CNTNAP2: variants seen among roughly 807,000 people sequenced by gnomAD.
CNTNAP2 encodes contactin-associated protein-like 2.
In CNTNAP2, 98 loss-of-function variants were observed where a neutral mutation model predicts 155.2. The ratio of observed to expected loss-of-function variants is 0.63; its 90% CI spans 0.54 to 0.75. The LOEUF is 0.75. CNTNAP2 is among the 30% of genes least tolerant of loss of function. The pLI is 0.00. For missense variants in CNTNAP2, 1,727 were observed against 1,688.1 expected, an observed-to-expected ratio of 1.02 and a Z score of -0.40; for synonymous variants, 651 against 631.2, an observed-to-expected ratio of 1.03 and a Z score of -0.47.
intron 12 of CNTNAP2, among the ~76,000 whole-genome samples, chr7:147,595,840 T>G (rs1331057455): frequency 6.6e-6 from 1 of 152,198 alleles, no homozygotes; most frequent in Admixed American, 6.5e-5. Flanking sequence ...ACTTAGAATC[T>G]TACAAGATGT....
At chr7:147,853,808 C>G (rs1003330764) in intron 13 of CNTNAP2, among the ~76,000 whole-genome samples, 4 of 152,124 alleles carry the variant, frequency 2.6e-5, no homozygotes, top group African/African-American at 9.7e-5. Flanking sequence ...ACTGATTAGG[C>G]ATTTGCTTAT....
chr7:148,231,388 C>A (rs1176488638), intron 20 of CNTNAP2, among the ~76,000 whole-genome samples: 1 of 152,110 alleles, frequency 6.6e-6, no homozygotes, highest in Non-Finnish European at 1.5e-5. Flanking sequence ...GATAGAAAAG[C>A]AATTCAGAAG....
intron 13 of CNTNAP2, among the ~76,000 whole-genome samples, chr7:147,729,982 G>A (rs908712635): frequency 6.6e-5 from 10 of 152,056 alleles, no homozygotes; most frequent in African/African-American, 2.4e-4. Flanking sequence ...TAAAAAATAA[G>A]GGAGTGAATA....
chr7:147,635,879 G>T (rs1194452770), intron 12 of CNTNAP2, among the ~76,000 whole-genome samples: 3 of 152,088 alleles, frequency 2.0e-5, no homozygotes, highest in Non-Finnish European at 4.4e-5. Flanking sequence ...GCAGGACAAG[G>T]CTCTTGATAG....
At chr7:148,399,583 T>A (rs1352691870) in intron 22 of CNTNAP2, among the ~76,000 whole-genome samples, 1 of 152,190 alleles carries the variant, frequency 6.6e-6, no homozygotes, top group Non-Finnish European at 1.5e-5. Flanking sequence ...GTATCCAAGG[T>A]CATACTAAGA....
rs1199411040 is a variant in CNTNAP2 at position 148,283,239 on chromosome 7, CAAAAA to C, written c.3475+16128_3475+16132del. Among the ~76,000 whole-genome samples the C allele has an allele frequency of 3.1e-3, 86 of 27,964 alleles. 8 individuals carry two copies. The highest frequency in any genetic ancestry group is 6.1e-3 in the African/African-American group (71 of 11,706). The allele number at this position is 27,964 out of a possible 152,430, so 18.3% of individuals were successfully genotyped here. The stretch of plus-strand genomic sequence containing the variant: ...CTGGGCAACAAAAGCAACTCTGTCT[CAAAAA>C]AAAAAAAAAAAAAAGAAAGAAAGAA... On this transcript the variant is annotated intron_variant, in intron 21 of 23. Transcript: ENST00000361727.
intron 16 of CNTNAP2, among the ~76,000 whole-genome samples, chr7:148,143,241 G>A (rs1271463631): frequency 6.6e-6 from 1 of 152,222 alleles, no homozygotes; most frequent in Non-Finnish European, 1.5e-5. Flanking sequence ...ACTGAGGCCT[G>A]AAGCGTGAAA....
At chr7:146,628,261 A>C (rs1563162985) in intron 1 of CNTNAP2, among the ~76,000 whole-genome samples, 1 of 152,152 alleles carries the variant, frequency 6.6e-6, no homozygotes, top group Admixed American at 6.6e-5. Flanking sequence ...CTCAAGAGCC[A>C]CAGTATCAGA....
At chr7:147,108,685 T>G (rs1800817121) in intron 5 of CNTNAP2, among the ~76,000 whole-genome samples, 1 of 152,108 alleles carries the variant, frequency 6.6e-6, no homozygotes, top group Admixed American at 6.6e-5. Flanking sequence ...TAAGCAAAAA[T>G]GAATGTCTTC....
chr7:147,712,222 C>T (rs905874805), intron 13 of CNTNAP2, among the ~76,000 whole-genome samples: 11 of 152,042 alleles, frequency 7.2e-5, no homozygotes, highest in South Asian at 6.2e-4. Flanking sequence ...GTTAGAATGG[C>T]GGTCATTAAA....
intron 1 of CNTNAP2, among the ~76,000 whole-genome samples, chr7:146,401,306 G>C (rs1323756931): frequency 6.6e-6 from 1 of 152,046 alleles, no homozygotes; most frequent in Non-Finnish European, 1.5e-5. Context: ...TCATTTTTCA[G>C]TCGATATGGC....
intron 1 of CNTNAP2, among the ~76,000 whole-genome samples, chr7:146,698,042 ACT>A (rs2129172698): frequency 6.6e-6 from 1 of 152,174 alleles, no homozygotes; most frequent in African/African-American, 2.4e-5. Flanking sequence ...CTTTCAAATA[ACT>A]CTACCTTACT....
rs149333318 is a variant in CNTNAP2 at position 146,306,609 on chromosome 7, C to T, written c.97+189636C>T. On this transcript the variant is annotated intron_variant, in intron 1 of 23. Coordinates refer to ENST00000361727, the MANE Select transcript of CNTNAP2 (RefSeq NM_014141.6). ...GGTTCAACATACACAAATCAATAAA[C>T]GTAATCCATCATATAAATAGAACCA... Among the ~76,000 whole-genome samples the T allele has an allele frequency of 1.6e-3, 236 of 152,068 alleles. 1 individual carries two copies. The highest frequency in any genetic ancestry group is 5.3e-3 in the African/African-American group (218 of 41,488).
chr7:148,224,878 C>T (rs980623736), intron 19 of CNTNAP2, among the ~76,000 whole-genome samples: 3 of 152,170 alleles, frequency 2.0e-5, no homozygotes, highest in Non-Finnish European at 4.4e-5. Flanking sequence ...ATAAAACCAT[C>T]CGATCTCATC....
At chr7:148,013,750 G>A (rs115978692) in intron 15 of CNTNAP2, among the ~76,000 whole-genome samples, 1,702 of 152,256 alleles carry the variant, frequency 0.011, 36 homozygotes, top group African/African-American at 0.039. Context: ...TATTGATTAC[G>A]TACACAAGTG....
intron 9 of CNTNAP2, among the ~76,000 whole-genome samples, chr7:147,307,540 C>T (rs1457289423): frequency 1.3e-5 from 2 of 152,158 alleles, no homozygotes; most frequent in African/African-American, 4.8e-5. Context: ...GACAGGATCA[C>T]ACCACTGCAC....
At chr7:146,509,436 C>T (rs1797433643) in intron 1 of CNTNAP2, among the ~76,000 whole-genome samples, 2 of 152,200 alleles carry the variant, frequency 1.3e-5, no homozygotes, top group African/African-American at 4.8e-5. Flanking sequence ...GGTAGGATTT[C>T]CCCCAAGCGC....
chr7:148,111,318 T>C (rs1177664806), intron 15 of CNTNAP2, among the ~76,000 whole-genome samples: 1 of 151,966 alleles, frequency 6.6e-6, no homozygotes, highest in African/African-American at 2.4e-5. Flanking sequence ...AAATTAATAT[T>C]CTCAGAGAGA....
chr7:146,606,391 G>A (rs1033183859), intron 1 of CNTNAP2, among the ~76,000 whole-genome samples: 4 of 152,060 alleles, frequency 2.6e-5, no homozygotes, highest in Non-Finnish European at 5.9e-5. Flanking sequence ...TGAAGGAATT[G>A]ATATTATGAC....
Sources: allele counts gnomAD v4.1 joint callset (sites outside exome capture counted in the v4.1 genomes callset), GRCh38; gene constraint gnomAD v4.1.1; transcripts MANE v1.5; gene names NCBI Gene and HGNC (gene_info 2026-07-23, HGNC 2026-07-21).